Variants in CFAP54 observed in about 807,000 individuals in gnomAD.
CFAP54 encodes the protein cilia and flagella associated protein 54, also known as cilia- and flagella-associated protein 54.
A neutral mutation model predicts 370.4 loss-of-function variants in CFAP54; 290 were observed. The observed-to-expected ratio is 0.78, with a 90% CI of 0.71 to 0.86. CFAP54 has a LOEUF of 0.86. CFAP54 is among the 40% of genes least tolerant of loss of function. The probability of loss-of-function intolerance (pLI) is 0.00; values close to 1 mark genes in which losing one functional copy is unlikely to be tolerated. For missense variants in CFAP54, 3,399 were observed against 3,528.7 expected (o/e 0.96, Z 0.93); for synonymous variants, 1,206 against 1,236.5 (o/e 0.98, Z 0.52).
intron 49 of CFAP54, among the ~76,000 whole-genome samples, chr12:96,719,636 G>A (rs1449286793): frequency 6.6e-6 from 1 of 152,196 alleles, no homozygotes; most frequent in Admixed American, 6.5e-5. Context: ...TTGGCTATTC[G>A]TGAACACACG....
intron 39 of CFAP54, among the ~76,000 whole-genome samples, chr12:96,677,169 A>G (rs1210777345): frequency 7.3e-6 from 1 of 136,604 alleles, no homozygotes; most frequent in Non-Finnish European, 1.6e-5. Context: ...CACCCAGCTA[A>G]CTTATTTTAT....
chr12:96,595,970 A>G (rs1228177622), intron 25 of CFAP54, among the ~76,000 whole-genome samples: 1 of 152,132 alleles, frequency 6.6e-6, no homozygotes, highest in Non-Finnish European at 1.5e-5. Flanking sequence ...TTTCTTGATC[A>G]TTAAGTCTGA....
intron 58 of CFAP54, 124 bp from the exon 59 acceptor site, chr12:96,764,027 C>T (rs560180555): frequency 3.5e-6 from 2 of 563,654 alleles, no homozygotes; most frequent in African/African-American, 1.9e-5. Flanking sequence ...CGAATATCTT[C>T]TCATGTCAAT....
chr12:96,496,369 C>G (rs1211863202), intron 1 of CFAP54, among the ~76,000 whole-genome samples: 1 of 152,186 alleles, frequency 6.6e-6, no homozygotes, highest in South Asian at 2.1e-4. Context: ...ATACTACAGA[C>G]CAGGTGGCTT....
chr12:96,538,404 A>G lies in CFAP54; in HGVS notation c.1812A>G (p.Glu604=), dbSNP rs1343127044. ...TTTAGGATGTTCAACCTGATAAAGAAATTGTTGTGGACACGATAATGTTCC... is the reference window on the plus strand; with the variant it reads ...TTTAGGATGTTCAACCTGATAAAGAGATTGTTGTGGACACGATAATGTTCC... ...TAPQDVQPDK[E]IVVDTIMFLW... Residue 604 remains glutamate (E), a synonymous_variant, in exon 13 of 68, where the codon GAA becomes GAG. Coordinates refer to ENST00000524981, the MANE Select transcript of CFAP54 (RefSeq NM_001306084.2). The G allele has an allele frequency of 1.3e-6, 2 of 1,535,126 alleles. No individual in the cohort carries two copies. Among genetic ancestry groups the G allele is most frequent in the East Asian group, 2.4e-5 (1 of 40,884 alleles).
chr12:96,503,199 C>T (rs116709349), intron 2 of CFAP54, among the ~76,000 whole-genome samples: 2,475 of 147,992 alleles, frequency 0.017, 77 homozygotes, highest in African/African-American at 0.058. Context: ...CCCTTTCTTT[C>T]TCTTTCTTCC....
chr12:96,829,556 A>G (rs941323574), intron 66 of CFAP54, among the ~76,000 whole-genome samples: 1 of 152,040 alleles, frequency 6.6e-6, no homozygotes, highest in Non-Finnish European at 1.5e-5. Flanking sequence ...TTGTTGTGTC[A>G]GGTGCCATTT....
In CFAP54 at chr12:96,657,874, A is replaced by T. The variant is rs372198969; in HGVS notation, c.5101-8A>T. 5.4e-5 allele frequency: 85 copies of T among 1,578,126 alleles called. No individual in the cohort carries two copies. The highest frequency in any genetic ancestry group is 6.6e-5 in the Non-Finnish European group (76 of 1,156,970). On this transcript the variant is annotated splice_polypyrimidine_tract_variant and splice_region_variant and intron_variant, in intron 36 of 67. Transcript: ENST00000524981. ...TACACATTTTTTTTTTCACTGTGCTACTTGCAGCCTATTGAAGACAAAGGA... is the reference window on the plus strand; with the variant it reads ...TACACATTTTTTTTTTCACTGTGCTTCTTGCAGCCTATTGAAGACAAAGGA...
chr12:96,713,217 A>G (rs76995979), intron 48 of CFAP54, among the ~76,000 whole-genome samples: 1 of 152,224 alleles, frequency 6.6e-6, no homozygotes, highest in East Asian at 1.9e-4. Context: ...AGTTTATCAA[A>G]GGGATACCAG....
intron 67 of CFAP54, among the ~76,000 whole-genome samples, chr12:96,866,973 T>C (rs1405016821): frequency 6.6e-6 from 1 of 152,108 alleles, no homozygotes; most frequent in Non-Finnish European, 1.5e-5. Flanking sequence ...AATGCTCAAG[T>C]TGAAAATGTT....
chr12:96,661,143 A>C (rs556980098), intron 38 of CFAP54, among the ~76,000 whole-genome samples: 1 of 151,936 alleles, frequency 6.6e-6, no homozygotes, highest in African/African-American at 2.4e-5. Context: ...AATCAGCTTA[A>C]CCTTTCACCC....
intron 14 of CFAP54, among the ~76,000 whole-genome samples, chr12:96,542,876 T>A (rs1036854826): frequency 2.6e-5 from 4 of 152,210 alleles, no homozygotes; most frequent in African/African-American, 4.8e-5. Context: ...TAATCTCTAG[T>A]GGTTTCTCTC....
chr12:96,715,351 T>A (rs1338870063), intron 48 of CFAP54, among the ~76,000 whole-genome samples: 1 of 152,076 alleles, frequency 6.6e-6, no homozygotes, highest in Non-Finnish European at 1.5e-5. Context: ...TGCAGGGGCT[T>A]GGGGATTGAC....
intron 59 of CFAP54, 98 bp downstream of exon 59, chr12:96,764,347 G>A: frequency 1.1e-6 from 1 of 872,696 alleles, no homozygotes; most frequent in Non-Finnish European, 1.7e-6. Context: ...AAGGAGTTGG[G>A]TGTGATACCT....
intron 39 of CFAP54, among the ~76,000 whole-genome samples, chr12:96,669,354 C>T (rs553907935): frequency 5.9e-5 from 9 of 152,238 alleles, no homozygotes; most frequent in East Asian, 1.9e-4. Flanking sequence ...GCCCAAAGGC[C>T]GAGAAGTGTT....
At chr12:96,663,974 C>A in intron 39 of CFAP54, 42 bp downstream of exon 39, 1 of 1,440,538 alleles carries the variant, frequency 6.9e-7, no homozygotes, top group South Asian at 1.2e-5. Context: ...TTCTCTAAAT[C>A]GAGGTTTGCC....
Position 96,503,871 on chromosome 12 carries a change from C to A in CFAP54, c.424-15C>A, listed in dbSNP as rs1955059752. The stretch of plus-strand genomic sequence containing the variant: ...GATATTTTGGAACTTTAATCAAGTA[C>A]TCCTTTTGTTTCAGGAATACAAACT... On this transcript the variant is annotated splice_polypyrimidine_tract_variant and intron_variant, in intron 2 of 67. Transcript: ENST00000524981. The A allele has an allele frequency of 3.4e-6, 5 of 1,465,678 alleles. No individual in the cohort carries two copies. The highest frequency in any genetic ancestry group is 4.5e-6 in the Non-Finnish European group (5 of 1,117,022). 90.8% of individuals were successfully genotyped at this position (1,465,678 alleles called of 1,614,324 possible). A position where few individuals can be genotyped will look rare whatever the true frequency, so the allele number is the denominator to read the frequency against.
rs144922483 is a variant in CFAP54, at chr12:96,554,436, C to T, written c.2283+126C>T. The stretch of plus-strand genomic sequence containing the variant: ...CCTCTCATAGGCCAGAAATATATTT[C>T]CCTCTTCCCAGAAGAGAGCTAGGAG... On this transcript the variant is annotated intron_variant, in intron 16 of 67. Coordinates refer to ENST00000524981, the MANE Select transcript of CFAP54 (RefSeq NM_001306084.2). 65 of 1,232,234 alleles carry T rather than the reference C, an allele frequency of 5.3e-5. No homozygotes were observed. The East Asian group carries it at 1.7e-3, about 33-fold the overall frequency. 76.3% of individuals were successfully genotyped at this position (1,232,234 alleles called of 1,614,324 possible).
At position 96,811,795 on chromosome 12, in the gene CFAP54, C is replaced by T. The variant is rs1418006543; in HGVS notation, c.8910C>T (p.Ser2970=). The change falls in exon 64 of 68, where the codon TCC becomes TCT. Residue 2970 remains serine, a synonymous_variant. Coordinates refer to ENST00000524981, the MANE Select transcript of CFAP54 (RefSeq NM_001306084.2). ...TGAAGATTTCAGATGTTAGACATTCCACTTATAACAGTACATGTGTTGGCT... is the reference window on the plus strand; with the variant it reads ...TGAAGATTTCAGATGTTAGACATTCTACTTATAACAGTACATGTGTTGGCT... The part of the protein sequence containing the change: ...KPLKISDVRH[S]TYNSTCVGSL... 6 of 1,524,114 alleles carry T rather than the reference C, an allele frequency of 3.9e-6. No individual in the cohort carries two copies. The highest frequency in any genetic ancestry group is 4.4e-6 in the Non-Finnish European group (5 of 1,142,070). The allele number at this position is 1,524,114 out of a possible 1,614,324, so 94.4% of individuals were successfully genotyped here.
Sources: allele counts gnomAD v4.1 joint callset (sites outside exome capture counted in the v4.1 genomes callset), GRCh38; gene constraint gnomAD v4.1.1; transcripts MANE v1.5; gene names NCBI Gene and HGNC (gene_info 2026-07-23, HGNC 2026-07-21).